LHFPL6: variants seen among roughly 807,000 people sequenced by gnomAD.
LHFPL6 encodes the protein LHFPL tetraspan subfamily member 6.
In LHFPL6, 9 loss-of-function variants were observed where a neutral mutation model predicts 20.6. That is an observed-to-expected ratio of 0.44 (90% confidence interval 0.26 to 0.76). The LOEUF (loss-of-function observed/expected upper bound fraction) is 0.76. LHFPL6 is among the 30% of genes least tolerant of loss of function. The probability of loss-of-function intolerance (pLI) is 0.20; values close to 1 mark genes in which losing one functional copy is unlikely to be tolerated. For synonymous variants in LHFPL6, 105 were observed against 98.7 expected (o/e 1.06, Z -0.38); for missense variants, 218 against 253.5 (o/e 0.86, Z 0.95).
chr13:39,415,599 C>T (rs1460126270), intron 2 of LHFPL6, among the ~76,000 whole-genome samples: 1 of 152,114 alleles, frequency 6.6e-6, no homozygotes, highest in Non-Finnish European at 1.5e-5. Context: ...CATCCCGGTG[C>T]CCCACCAGAC....
chr13:39,548,783 C>A (rs1266987223), intron 2 of LHFPL6, among the ~76,000 whole-genome samples: 2 of 151,930 alleles, frequency 1.3e-5, no homozygotes, highest in Admixed American at 1.3e-4. Flanking sequence ...AAAGTGAGGC[C>A]TGGAACACCT....
chr13:39,450,122 C>T (rs757349433), intron 2 of LHFPL6, among the ~76,000 whole-genome samples: 3 of 152,122 alleles, frequency 2.0e-5, no homozygotes, highest in Non-Finnish European at 4.4e-5. Flanking sequence ...AATTTGGCAA[C>T]CTGTTTTCTA....
chr13:39,528,472 C>A (rs557677407), intron 2 of LHFPL6, among the ~76,000 whole-genome samples: 1 of 152,336 alleles, frequency 6.6e-6, no homozygotes, highest in South Asian at 2.1e-4. Context: ...TCAGCAGCAT[C>A]CCAAAGAGCT....
chr13:39,366,009 C>T (rs1479146031), intron 3 of LHFPL6, among the ~76,000 whole-genome samples: 1 of 152,166 alleles, frequency 6.6e-6, no homozygotes, highest in African/African-American at 2.4e-5. Flanking sequence ...CCCTTTCTTC[C>T]CTTGAAAACC....
At chr13:39,537,077 C>T (rs1192433838) in intron 2 of LHFPL6, among the ~76,000 whole-genome samples, 2 of 152,172 alleles carry the variant, frequency 1.3e-5, no homozygotes, top group African/African-American at 2.4e-5. Flanking sequence ...CTGATGGCAA[C>T]CCTTCAAGCC....
intron 2 of LHFPL6, among the ~76,000 whole-genome samples, chr13:39,425,150 G>C (rs1202728445): frequency 6.6e-6 from 1 of 152,130 alleles, no homozygotes; most frequent in African/African-American, 2.4e-5. Context: ...CTGGAGTTTA[G>C]AGAATATAAA....
intron 2 of LHFPL6, among the ~76,000 whole-genome samples, chr13:39,499,850 T>C (rs1869232283): frequency 6.6e-6 from 1 of 152,230 alleles, no homozygotes; most frequent in Non-Finnish European, 1.5e-5. Flanking sequence ...TTGATCCAAC[T>C]ACTTTGAATT....
At chr13:39,413,777 A>C (rs1048724774) in intron 2 of LHFPL6, among the ~76,000 whole-genome samples, 1 of 152,228 alleles carries the variant, frequency 6.6e-6, no homozygotes, top group African/African-American at 2.4e-5. Context: ...CTTTACAAAC[A>C]TTAAAAAGAA....
chr13:39,509,415 T>C (rs887844605), intron 2 of LHFPL6, among the ~76,000 whole-genome samples: 1 of 152,120 alleles, frequency 6.6e-6, no homozygotes, highest in African/African-American at 2.4e-5. Context: ...GTTTTATAGT[T>C]GGGGTTTGAG....
rs530350570 is a variant in LHFPL6, at chr13:39,456,358, C to CTGA, written c.386-77835_386-77833dup. Among the ~76,000 whole-genome samples, 12 of 152,236 alleles carry CTGA rather than the reference C, an allele frequency of 7.9e-5. No individual in the cohort carries two copies. In the East Asian group the frequency reaches 2.3e-3, roughly 29 times the overall value. Reference sequence around the variant, plus strand: ...ACTTTACTCCCAAATCTGTAAAAGGCTGATATTAGATAGCAGAAATACAGA... The same window carrying CTGA: ...ACTTTACTCCCAAATCTGTAAAAGGCTGATGATATTAGATAGCAGAAATACAGA... On this transcript the variant is annotated intron_variant, in intron 2 of 3. Transcript: ENST00000379589.
intron 2 of LHFPL6, among the ~76,000 whole-genome samples, chr13:39,426,813 G>A (rs576932018): frequency 5.9e-5 from 9 of 152,036 alleles, no homozygotes; most frequent in Middle Eastern, 3.4e-3. Context: ...ATTTGGTATC[G>A]TATCTAAGAA....
intron 2 of LHFPL6, among the ~76,000 whole-genome samples, chr13:39,406,405 A>G (rs1440946175): frequency 2.6e-5 from 4 of 152,214 alleles, no homozygotes; most frequent in Admixed American, 2.6e-4. Context: ...GGAATCTTTG[A>G]TCAATGTCTG....
At chr13:39,470,828 T>C (rs1872925146) in intron 2 of LHFPL6, among the ~76,000 whole-genome samples, 1 of 152,224 alleles carries the variant, frequency 6.6e-6, no homozygotes, top group Admixed American at 6.5e-5. Flanking sequence ...ATAATGCTTT[T>C]CGATTTATCT....
intron 2 of LHFPL6, among the ~76,000 whole-genome samples, chr13:39,415,507 A>AAAAAAC (rs1433782504): frequency 6.6e-6 from 1 of 152,104 alleles, no homozygotes; most frequent in Non-Finnish European, 1.5e-5. Context: ...ACTGAAAAAA[A>AAAAAAC]AAAAAACAAA....
intron 2 of LHFPL6, among the ~76,000 whole-genome samples, chr13:39,486,816 T>A (rs949376508): frequency 6.6e-6 from 1 of 152,236 alleles, no homozygotes; most frequent in African/African-American, 2.4e-5. Context: ...TCTGCCTCAA[T>A]AATTTAGAAC....
chr13:39,371,634 A>G (rs1593288773), intron 3 of LHFPL6, among the ~76,000 whole-genome samples: 2 of 152,250 alleles, frequency 1.3e-5, no homozygotes, highest in East Asian at 3.8e-4. Flanking sequence ...CACAGGCTAC[A>G]CTGATGATAG....
rs1044649709 is a variant in LHFPL6 at position 39,581,953 on chromosome 13, C to T, written c.385+18879G>A. ...GAGTAAATGAAGTAGTATCTACCCA[C>T]GTGAAGGTTTTCAAAACACTGTTTT... is the stretch of plus-strand genomic sequence containing the variant. On this transcript the variant is annotated intron_variant, in intron 2 of 3. Transcript: ENST00000379589. 5.3e-5 allele frequency among the ~76,000 whole-genome samples: 8 copies of T among 152,160 alleles called. 1 individual carries two copies. The highest frequency in any genetic ancestry group is 4.1e-4 in the South Asian group (2 of 4,826).
At chr13:39,534,483 T>C (rs939038308) in intron 2 of LHFPL6, among the ~76,000 whole-genome samples, 1 of 152,234 alleles carries the variant, frequency 6.6e-6, no homozygotes, top group Non-Finnish European at 1.5e-5. Flanking sequence ...ATTTAAATCT[T>C]CCCTATTACA....
chr13:39,498,038 C>CTA (rs771795454), intron 2 of LHFPL6, among the ~76,000 whole-genome samples: 10 of 152,200 alleles, frequency 6.6e-5, no homozygotes, highest in Admixed American at 5.2e-4. Flanking sequence ...CCTAGAGTCC[C>CTA]TATCAGTCAC....
Sources: allele counts gnomAD v4.1 joint callset (sites outside exome capture counted in the v4.1 genomes callset), GRCh38; gene constraint gnomAD v4.1.1; transcripts MANE v1.5; gene names NCBI Gene and HGNC (gene_info 2026-07-23, HGNC 2026-07-21).